Variants in MAPK4 observed in about 807,000 individuals in gnomAD.
MAPK4 encodes mitogen-activated protein kinase 4, also known as Erk3-related.
A neutral mutation model predicts 47.7 loss-of-function variants in MAPK4; 22 were observed. The ratio of observed to expected loss-of-function variants is 0.46; its 90% CI spans 0.33 to 0.66. MAPK4 has a LOEUF of 0.66. MAPK4 is among the 30% of genes least tolerant of loss of function. The pLI is 0.02. For synonymous variants in MAPK4, 390 were observed against 365.7 expected (o/e 1.07, Z -0.76); for missense variants, 736 against 831.7 (o/e 0.88, Z 1.42).
chr18:50,619,390 T>C (rs1286477881), intron 1 of MAPK4, among the ~76,000 whole-genome samples: 1 of 152,242 alleles, frequency 6.6e-6, no homozygotes, highest in East Asian at 1.9e-4. Context: ...CATAGCTCAC[T>C]GTAACCTTGA....
Position 50,664,452 on chromosome 18 carries a change from A to G in MAPK4, c.494A>G (p.Lys165Arg). 6.2e-7 allele frequency: 1 copy of G among 1,612,268 alleles called. No individual in the cohort carries two copies. Among genetic ancestry groups the G allele is most frequent in the South Asian group, 1.1e-5 (1 of 90,896 alleles). ...IFISTEDLVL[K>R]IGDFGLARIV... The stretch of plus-strand genomic sequence containing the variant: ...ATCAGCACAGAGGACCTCGTGCTCA[A>G]GATTGGGGATTTCGGGTTGGCAAGG... Residue 165 changes from lysine (K) to arginine (R), a missense_variant, in exon 2 of 6, where the codon AAG becomes AGG. Around this residue, in one of 3 missense-constraint regions of MAPK4, gnomAD observed 327 missense variants for 395.4 expected, o/e 0.83. Transcript: ENST00000400384. The surrounding 1 kb of genome is among the most constrained non-coding windows in gnomAD (Gnocchi z 6.0).
chr18:50,659,183 A>G (rs1473960182), intron 1 of MAPK4, among the ~76,000 whole-genome samples: 1 of 152,254 alleles, frequency 6.6e-6, no homozygotes, highest in Non-Finnish European at 1.5e-5. Flanking sequence ...TGCCTGGTCT[A>G]GAGGACTCCA....
chr18:50,565,431 G>T (rs1439249289), intron 1 of MAPK4, among the ~76,000 whole-genome samples: 2 of 152,162 alleles, frequency 1.3e-5, no homozygotes, highest in Non-Finnish European at 2.9e-5. Flanking sequence ...CTCTTTTTCA[G>T]GTCACTCTAA....
intron 1 of MAPK4, among the ~76,000 whole-genome samples, chr18:50,637,921 T>C (rs2042901921): frequency 1.3e-5 from 2 of 152,220 alleles, no homozygotes. Flanking sequence ...AGAACCTCTT[T>C]AAAGACCCTG....
At chr18:50,563,209 T>A (rs1055277480) in intron 1 of MAPK4, among the ~76,000 whole-genome samples, 2 of 152,200 alleles carry the variant, frequency 1.3e-5, no homozygotes, top group Non-Finnish European at 2.9e-5. Flanking sequence ...GGGGAAAAAC[T>A]ATCCGGAATT....
intron 1 of MAPK4, among the ~76,000 whole-genome samples, chr18:50,621,779 C>T (rs973316822): frequency 6.6e-6 from 1 of 152,226 alleles, no homozygotes; most frequent in Non-Finnish European, 1.5e-5. Context: ...AAAAGCTTTG[C>T]TTATGATTTC....
In MAPK4 at chr18:50,620,508, T is replaced by C. The variant is rs1437646; in HGVS notation, c.-870-42581T>C. 4.2e-3 allele frequency among the ~76,000 whole-genome samples: 638 copies of C among 152,390 alleles called. 7 individuals are homozygous for C. Among genetic ancestry groups the C allele is most frequent in the African/African-American group, 0.014 (588 of 41,600 alleles). On this transcript the variant is annotated intron_variant, in intron 1 of 5. Coordinates refer to ENST00000400384, the MANE Select transcript of MAPK4 (RefSeq NM_002747.4). ...ACCATCTCTATGCATGAGATCACTC[T>C]GGCCCATCAACATTTACTTTCTGCT...
intron 1 of MAPK4, among the ~76,000 whole-genome samples, chr18:50,623,647 G>A (rs2149383234): frequency 6.6e-6 from 1 of 152,222 alleles, no homozygotes; most frequent in Admixed American, 6.5e-5. Context: ...CAATTATTGT[G>A]GGGAACTGCA....
At chr18:50,713,993 A>G (rs538965022) in intron 2 of MAPK4, among the ~76,000 whole-genome samples, 28 of 152,338 alleles carry the variant, frequency 1.8e-4, no homozygotes, top group African/African-American at 6.5e-4. Flanking sequence ...TCTTTGCTGA[A>G]CAAATTAAGG....
At chr18:50,577,239 G>A (rs555006601) in intron 1 of MAPK4, among the ~76,000 whole-genome samples, 8 of 152,258 alleles carry the variant, frequency 5.3e-5, no homozygotes, top group East Asian at 1.9e-4. Flanking sequence ...AGAATCACCT[G>A]GAGAGTGTGT....
intron 1 of MAPK4, among the ~76,000 whole-genome samples, chr18:50,586,533 T>C (rs1324263011): frequency 2.0e-5 from 3 of 151,982 alleles, no homozygotes; most frequent in Non-Finnish European, 4.4e-5. Flanking sequence ...TACATAGAGT[T>C]GGGCAGAAAA....
intron 1 of MAPK4, among the ~76,000 whole-genome samples, chr18:50,575,792 C>CAAAAAAAAAAAAAAAAAA (rs540138636): frequency 2.6e-4 from 18 of 70,148 alleles, no homozygotes; most frequent in African/African-American, 5.1e-4. Flanking sequence ...AATCAACAAG[C>CAAAAAAAAAAAAAAAAAA]AAAAAAAAAA....
rs151000234 is a variant in MAPK4 at position 50,599,443 on chromosome 18, C to T, written c.-871+39200C>T. On this transcript the variant is annotated intron_variant, in intron 1 of 5. Transcript: ENST00000400384. ...TTTTATTATTATTATTATTTTGAGA[C>T]GGAGTCCCGCTGTCGCCCAGGTTGG... is the stretch of plus-strand genomic sequence containing the variant. Among the ~76,000 whole-genome samples the T allele has an allele frequency of 2.8e-3, 425 of 152,148 alleles. 3 individuals are homozygous for T. Among genetic ancestry groups the T allele is most frequent in the African/African-American group, 9.4e-3 (390 of 41,494 alleles).
At position 50,560,257 on chromosome 18, in the gene MAPK4, C is replaced by G. The variant is rs1231190944; in HGVS notation, c.-871+14C>G. On this transcript the variant is annotated intron_variant, in intron 1 of 5. Transcript: ENST00000400384. Reference sequence around the variant, plus strand: ...GGCTCTGCCTCGGTAAGTGGCTCCCCTCCGCTGGCTTTCTCCTCCCGCCGC... The same window carrying G: ...GGCTCTGCCTCGGTAAGTGGCTCCCGTCCGCTGGCTTTCTCCTCCCGCCGC... 1.3e-5 allele frequency: 2 copies of G among 151,936 alleles called. No individual in the cohort carries two copies. Among genetic ancestry groups the G allele is most frequent in the Non-Finnish European group, 2.9e-5 (2 of 67,938 alleles). 9.4% of individuals were successfully genotyped at this position (151,936 alleles called of 1,614,324 possible).
At chr18:50,704,690 C>T (rs866638997) in intron 2 of MAPK4, 15 of 398,620 alleles carry the variant, frequency 3.8e-5, no homozygotes, top group South Asian at 2.5e-4. Context: ...AGGCTGGAAT[C>T]GGAGGGAACT....
intron 3 of MAPK4, 121 bp downstream of exon 3, chr18:50,715,344 G>T: frequency 8.1e-7 from 1 of 1,229,562 alleles, no homozygotes; most frequent in South Asian, 1.6e-5. Flanking sequence ...TACTTCTGTG[G>T]CTTTTATGAC....
chr18:50,626,549 G>T (rs913946310), intron 1 of MAPK4, among the ~76,000 whole-genome samples: 5 of 152,182 alleles, frequency 3.3e-5, no homozygotes, highest in African/African-American at 1.2e-4. Flanking sequence ...TCATCAAGGT[G>T]TCACATGTGG....
At chr18:50,677,461 G>C (rs1171747373) in intron 2 of MAPK4, among the ~76,000 whole-genome samples, 1 of 152,162 alleles carries the variant, frequency 6.6e-6, no homozygotes, top group African/African-American at 2.4e-5. Context: ...GAAAGAAAAG[G>C]GTCAAGCACC....
At chr18:50,711,686 T>A (rs781629263) in intron 2 of MAPK4, among the ~76,000 whole-genome samples, 1 of 152,168 alleles carries the variant, frequency 6.6e-6, no homozygotes, top group Non-Finnish European at 1.5e-5. Context: ...CCTCTCTACA[T>A]CCAAAAGAAG....
Sources: gnomAD v4.1 joint callset for allele counts (sites outside exome capture counted in the v4.1 genomes callset) on GRCh38, gnomAD v4.1.1 for gene constraint, gnomAD v4.1.1 regional missense constraint, Gnocchi (gnomAD v3.1) non-coding constraint, MANE v1.5 for transcripts, NCBI Gene and HGNC (gene_info 2026-07-23, HGNC 2026-07-21) for gene names.